The following SHLD1 variants were observed in gnomAD, a reference collection of about 807,000 sequenced individuals.
SHLD1 encodes the protein RINN1-REV7-interacting novel NHEJ regulator 3.
Under a neutral mutation model 5.5 loss-of-function variants are expected in SHLD1, and 3 were observed. The observed-to-expected ratio is 0.54, with a 90% CI of 0.25 to 1.40. The LOEUF is 1.40. SHLD1 is among the 40% of genes most tolerant of loss of function. The pLI, the probability that SHLD1 is intolerant of heterozygous loss-of-function variation, is 0.15. For missense variants in SHLD1, 210 were observed against 244.4 expected, an observed-to-expected ratio of 0.86 and a Z score of 0.94; for synonymous variants, 92 against 94.3, an observed-to-expected ratio of 0.98 and a Z score of 0.14.
At position 5,806,892 on chromosome 20, in the gene SHLD1, C is replaced by T. The variant is rs1245792087; in HGVS notation, c.178+33849C>T. On this transcript the variant is annotated intron_variant, in intron 2 of 2. Transcript: ENST00000303142. The surrounding 1 kb of genome is among the most constrained non-coding windows in gnomAD (Gnocchi z 7.6). ...TAGAATGCCATGTATTATGTATTTCCACTGAAGGACTTGATTTTAGCACCG... is the reference window on the plus strand; with the variant it reads ...TAGAATGCCATGTATTATGTATTTCTACTGAAGGACTTGATTTTAGCACCG... Among the ~76,000 whole-genome samples, 2 of 152,222 alleles carry T rather than the reference C, an allele frequency of 1.3e-5. 1 individual carries two copies. Among genetic ancestry groups the T allele is most frequent in the East Asian group, 3.8e-4 (2 of 5,196 alleles).
chr20:5,751,214 C>T (rs1249534256), intron 1 of SHLD1, among the ~76,000 whole-genome samples: 1 of 152,178 alleles, frequency 6.6e-6, no homozygotes, highest in East Asian at 1.9e-4. Context: ...CCAATTCGCA[C>T]GTTTGATATA....
chr20:5,812,063 CTTTTTCTTTTT>C (rs535044244), intron 2 of SHLD1, among the ~76,000 whole-genome samples: 244 of 145,138 alleles, frequency 1.7e-3, no homozygotes, highest in African/African-American at 5.6e-3. Context: ...ACTTCTTTTT[CTTTTTCTTTTT>C]TTTTTCTTTT....
chr20:5,835,349 A>T lies in SHLD1; in HGVS notation c.179-27675A>T, dbSNP rs114373416. Among the ~76,000 whole-genome samples the T allele has an allele frequency of 2.4e-3, 360 of 152,312 alleles. 1 individual carries two copies. The highest frequency in any genetic ancestry group is 8.5e-3 in the African/African-American group (352 of 41,548). On this transcript the variant is annotated intron_variant, in intron 2 of 2. Transcript: ENST00000303142. ...CATTCACTAAAAAATATCTACCATC[A>T]CACTGTGCCAGGAGACCATAGCTAG...
intron 2 of SHLD1, among the ~76,000 whole-genome samples, chr20:5,851,701 TA>T (rs1204205031): frequency 6.6e-6 from 1 of 152,072 alleles, no homozygotes; most frequent in Non-Finnish European, 1.5e-5. Context: ...TTTTAACATG[TA>T]ATTGACATTT....
At chr20:5,758,956 T>G (rs1318103038) in intron 1 of SHLD1, among the ~76,000 whole-genome samples, 2 of 146,954 alleles carry the variant, frequency 1.4e-5, no homozygotes, top group Non-Finnish European at 3.0e-5. Flanking sequence ...GACAAGTTTT[T>G]TTTTTTTTTT....
At chr20:5,775,841 G>T (rs904005512) in intron 2 of SHLD1, among the ~76,000 whole-genome samples, 1 of 151,844 alleles carries the variant, frequency 6.6e-6, no homozygotes, top group African/African-American at 2.4e-5. Flanking sequence ...ATAGTGTGTG[G>T]CAGGGAGTGG....
intron 2 of SHLD1, among the ~76,000 whole-genome samples, chr20:5,814,736 C>T (rs1237321133): frequency 6.9e-6 from 1 of 143,944 alleles, no homozygotes; most frequent in African/African-American, 2.6e-5. Flanking sequence ...TTCCTCAGCT[C>T]ACTGCAACCT....
At chr20:5,778,730 G>A (rs1009769966) in intron 2 of SHLD1, among the ~76,000 whole-genome samples, 22 of 152,258 alleles carry the variant, frequency 1.4e-4, no homozygotes, top group Non-Finnish European at 2.4e-4. Flanking sequence ...CAGCCGTTCT[G>A]TTATTTAATA....
chr20:5,860,334 T>C (rs1252825399), intron 2 of SHLD1, among the ~76,000 whole-genome samples: 1 of 152,198 alleles, frequency 6.6e-6, no homozygotes, highest in Non-Finnish European at 1.5e-5. Context: ...CCCCAGAGGT[T>C]TGTTTTAATT....
intron 2 of SHLD1, among the ~76,000 whole-genome samples, chr20:5,837,073 G>T (rs1408688481): frequency 6.6e-6 from 1 of 152,178 alleles, no homozygotes; most frequent in African/African-American, 2.4e-5. Context: ...CAAGCCTGGA[G>T]GGCAGCCAGG....
intron 1 of SHLD1, among the ~76,000 whole-genome samples, chr20:5,757,668 A>G (rs1984197027): frequency 6.6e-6 from 1 of 151,564 alleles, no homozygotes; most frequent in African/African-American, 2.4e-5. Flanking sequence ...AGTGGCACCA[A>G]CTCTGCTCAC....
At chr20:5,814,908 C>T (rs1249616552) in intron 2 of SHLD1, among the ~76,000 whole-genome samples, 2 of 152,104 alleles carry the variant, frequency 1.3e-5, no homozygotes, top group African/African-American at 4.8e-5. Flanking sequence ...CCACCTTGGC[C>T]TCCCAAATTG....
At chr20:5,756,322 T>C (rs1984098586) in intron 1 of SHLD1, among the ~76,000 whole-genome samples, 1 of 152,136 alleles carries the variant, frequency 6.6e-6, no homozygotes, top group South Asian at 2.1e-4. Flanking sequence ...TATATTGATC[T>C]TTAGTGACCT....
In SHLD1 at chr20:5,863,115, A is replaced by C. The variant is rs201976741; in HGVS notation, c.270A>C (p.Glu90Asp). 15 of 1,614,090 alleles carry C rather than the reference A, an allele frequency of 9.3e-6. No homozygotes were observed. The highest frequency in any genetic ancestry group is 1.3e-5 in the Non-Finnish European group (15 of 1,180,026). The change falls in exon 3 of 3, where the codon GAA (glutamate) becomes GAC (aspartate). Residue 90 changes from glutamate (E) to aspartate (D), a missense_variant. By Grantham distance (45) the Glu-to-Asp change is conservative (BLOSUM62 2). Coordinates refer to ENST00000303142, the MANE Select transcript of SHLD1 (RefSeq NM_152504.4). ...DPAVKGQSEK[E>D]EDDGLRKSLD... ...CTGTGAAAGGCCAGTCAGAGAAGGA[A>C]GAGGATGATGGCCTTCGGAAATCCC...
In SHLD1 at chr20:5,863,639, A is replaced by T; in HGVS notation, c.*176A>T. On this transcript the variant is annotated 3_prime_UTR_variant, in exon 3 of 3. Transcript: ENST00000303142. ...CTGGTATTGGAGCCAGTCAGCCCAT[A>T]TGGAGAGCCAGCAGGGTCTGGGAGT... The T allele has an allele frequency of 1.6e-6, 1 of 615,960 alleles. No individual in the cohort carries two copies. The highest frequency in any genetic ancestry group is 3.4e-5 in the Admixed American group (1 of 29,700). The allele number at this position is 615,960 out of a possible 1,614,324, so 38.2% of individuals were successfully genotyped here.
At chr20:5,753,855 A>G (rs956263258) in intron 1 of SHLD1, among the ~76,000 whole-genome samples, 1 of 152,078 alleles carries the variant, frequency 6.6e-6, no homozygotes, top group Non-Finnish European at 1.5e-5. Context: ...TCTTGCCCCA[A>G]ATGGGGGAGA....
intron 1 of SHLD1, among the ~76,000 whole-genome samples, chr20:5,764,131 A>AT (rs1391262204): frequency 4.1e-5 from 3 of 74,020 alleles, no homozygotes; most frequent in African/African-American, 2.0e-4. Flanking sequence ...TGTCTCAAAA[A>AT]AAAAAAAAAT....
chr20:5,772,313 C>A (rs988690597), intron 1 of SHLD1: 3 of 359,122 alleles, frequency 8.4e-6, no homozygotes, highest in Non-Finnish European at 1.7e-5. Context: ...ACTGTGATAC[C>A]ACAACAGTCC....
chr20:5,764,563 G>A (rs1984717278), intron 1 of SHLD1, among the ~76,000 whole-genome samples: 1 of 150,840 alleles, frequency 6.6e-6, no homozygotes, highest in South Asian at 2.1e-4. Flanking sequence ...GCCAAGTATG[G>A]TGTCTCATGC....
Sources: allele counts gnomAD v4.1 joint callset (sites outside exome capture counted in the v4.1 genomes callset), GRCh38; gene constraint gnomAD v4.1.1; non-coding constraint Gnocchi (gnomAD v3.1); transcripts MANE v1.5; gene names NCBI Gene and HGNC (gene_info 2026-07-23, HGNC 2026-07-21).